The following SEMA4B variants were observed in gnomAD, a reference collection of about 807,000 sequenced individuals.
SEMA4B encodes the protein semaphorin-4B.
A neutral mutation model predicts 88.1 loss-of-function variants in SEMA4B; 55 were observed. The observed-to-expected ratio is 0.62, with a 90% CI of 0.50 to 0.78. SEMA4B has a LOEUF of 0.78. SEMA4B is among the 30% of genes least tolerant of loss of function. The probability of loss-of-function intolerance (pLI) is 0.00; values close to 1 mark genes in which losing one functional copy is unlikely to be tolerated. For synonymous variants in SEMA4B, 525 were observed against 473.6 expected (o/e 1.11, Z -1.41); for missense variants, 1,062 against 1,111.9 (o/e 0.96, Z 0.64).
At chr15:90,222,971 T>TATATATA (rs3029968) in intron 7 of SEMA4B, among the ~76,000 whole-genome samples, 2 of 123,636 alleles carry the variant, frequency 1.6e-5, no homozygotes, top group African/African-American at 3.6e-5. Flanking sequence ...TATATATACA[T>TATATATA]TTTTTTTTTT....
At chr15:90,206,318 C>T (rs992962822) in intron 1 of SEMA4B, among the ~76,000 whole-genome samples, 4 of 152,194 alleles carry the variant, frequency 2.6e-5, no homozygotes, top group Non-Finnish European at 4.4e-5. Flanking sequence ...CGAGGCCTGC[C>T]TTCCCTCAGA....
Position 90,228,480 on chromosome 15 carries a change from A to G in SEMA4B, c.2351A>G (p.His784Arg), listed in dbSNP as rs1962317303. 2 of 1,609,956 alleles carry G rather than the reference A, an allele frequency of 1.2e-6. No homozygotes were observed. The highest frequency in any genetic ancestry group is 4.5e-5 in the East Asian group (2 of 44,742). ...GLGPPSTPLDHRGYQSLSDSP... is the reference protein window; with the variant it reads ...GLGPPSTPLDRRGYQSLSDSP... ...GGGCCCCCTAGCACCCCGCTCGATC[A>G]CCGAGGGTACCAGTCCCTGTCAGAC... Residue 784 changes from histidine to arginine, a missense_variant, in exon 14 of 14, where the codon CAC (histidine) becomes CGC (arginine). By Grantham distance (29) the His-to-Arg change is conservative. Coordinates refer to ENST00000411539, the MANE Select transcript of SEMA4B (RefSeq NM_198925.4).
At chr15:90,191,466 A>G (rs1191834929) in intron 1 of SEMA4B, among the ~76,000 whole-genome samples, 2 of 152,202 alleles carry the variant, frequency 1.3e-5, no homozygotes, top group African/African-American at 4.8e-5. Flanking sequence ...CTGAGCATTC[A>G]CTACATGCCA....
intron 4 of SEMA4B, 109 bp from the exon 5 acceptor site, chr15:90,220,873 C>T (rs1961792806): frequency 1.4e-6 from 1 of 708,148 alleles, no homozygotes; most frequent in Admixed American, 2.1e-5. Context: ...GTCCCACACA[C>T]CTCACCTGCC....
At chr15:90,196,532 G>A (rs147538096), upstream of SEMA4B, among the ~76,000 whole-genome samples, 785 of 152,222 alleles carry the variant, frequency 5.2e-3, 13 homozygotes, top group African/African-American at 0.018. Context: ...TGTCGGTCAG[G>A]CTGGAGTGCA....
chr15:90,221,887 G>T, intron 7 of SEMA4B, 122 bp downstream of exon 7: 1 of 814,874 alleles, frequency 1.2e-6, no homozygotes, highest in South Asian at 2.1e-5. Context: ...TTGGCTAACA[G>T]CTTTTCTCTC....
In SEMA4B at chr15:90,225,847, C is replaced by G. The variant is rs1169764991; in HGVS notation, c.1688+20C>G. Reference sequence around the variant, plus strand: ...CACCAGGTGAGCACTCCCAAAGGCCCCTTCCCATCTGTCCAGCCCTGCACA... The same window carrying G: ...CACCAGGTGAGCACTCCCAAAGGCCGCTTCCCATCTGTCCAGCCCTGCACA... On this transcript the variant is annotated intron_variant, in intron 12 of 13. Transcript: ENST00000411539. 1 of 1,496,992 alleles carries G rather than the reference C, an allele frequency of 6.7e-7. No individual in the cohort carries two copies. The highest frequency in any genetic ancestry group is 1.3e-5 in the South Asian group (1 of 75,338). The allele number at this position is 1,496,992 out of a possible 1,614,324, so 92.7% of individuals were successfully genotyped here. A position where few individuals can be genotyped will look rare whatever the true frequency, so the allele number is the denominator to read the frequency against.
At position 90,225,146 on chromosome 15, in the gene SEMA4B, A is replaced by G. The variant is rs1231688612; in HGVS notation, c.1373A>G (p.His458Arg). The G allele has an allele frequency of 6.2e-7, 1 of 1,611,606 alleles. No individual in the cohort carries two copies. Among genetic ancestry groups the G allele is most frequent in the Non-Finnish European group, 8.5e-7 (1 of 1,178,960 alleles). ...GCTGTACACCGCGTCCCTGGCCTGC[A>G]CCACACCTACGATGTCCTCTTCCTG... ...RVAVHRVPGLHHTYDVLFLGT... is the reference protein window; with the variant it reads ...RVAVHRVPGLRHTYDVLFLGT... The change falls in exon 10 of 14, where the codon CAC becomes CGC. Residue 458 changes from histidine to arginine, a missense_variant. By Grantham distance (29) the His-to-Arg change is conservative. Transcript: ENST00000411539.
rs200788766 is a variant in SEMA4B, at chr15:90,220,362, C to CTTTTTTTTTTTTTTTTTTTTT, written c.483+475_483+476insTTTTTTTTTTTTTTTTTTTTT. The CTTTTTTTTTTTTTTTTTTTTT allele has an allele frequency of 3.1e-5, 4 of 129,230 alleles. 1 individual carries two copies. The highest frequency in any genetic ancestry group is 4.7e-5 in the Non-Finnish European group (3 of 63,434). The allele number at this position is 129,230 out of a possible 1,614,324, so 8.0% of individuals were successfully genotyped here. A position where few individuals can be genotyped will look rare whatever the true frequency, so the allele number is the denominator to read the frequency against. ...ATCATTTTATTTCTTTTTTCTTTTT[C>CTTTTTTTTTTTTTTTTTTTTT]TTTTCTTTTTTTTTTTTTTTTTTGA... On this transcript the variant is annotated intron_variant, in intron 4 of 13. Transcript: ENST00000411539.
rs202227363 is a variant in SEMA4B, at chr15:90,228,294, G to A, written c.2165G>A (p.Cys722Tyr). Residue 722 changes from cysteine (C) to tyrosine (Y), a missense_variant, in exon 14 of 14, where the codon TGC becomes TAC. Physicochemically the swap from Cys to Tyr is radical, Grantham distance 194. Coordinates refer to ENST00000411539, the MANE Select transcript of SEMA4B (RefSeq NM_198925.4). The part of the protein sequence containing the change: ...RSYWKEFLVM[C>Y]TLFVLAVLLP... ...TACTGGAAGGAGTTCCTGGTGATGT[G>A]CACGCTCTTTGTGCTGGCCGTGCTG... 6.3e-7 allele frequency: 1 copy of A among 1,591,216 alleles called. No individual in the cohort carries two copies. The highest frequency in any genetic ancestry group is 8.6e-7 in the Non-Finnish European group (1 of 1,167,670).
At chr15:90,194,495 G>T (rs1307071286) in intron 1 of SEMA4B, among the ~76,000 whole-genome samples, 1 of 151,916 alleles carries the variant, frequency 6.6e-6, no homozygotes, top group African/African-American at 2.4e-5. Context: ...TCATGCCATT[G>T]CACTCCAGCC....
chr15:90,199,898 G>C (rs919611542), upstream of SEMA4B, among the ~76,000 whole-genome samples: 1 of 152,042 alleles, frequency 6.6e-6, no homozygotes, highest in African/African-American at 2.4e-5. Context: ...ATAGGGGTTT[G>C]GGTATCACTG....
chr15:90,188,644 T>A (rs1960249687), intron 1 of SEMA4B, among the ~76,000 whole-genome samples: 1 of 151,484 alleles, frequency 6.6e-6, no homozygotes, highest in Admixed American at 6.6e-5. Flanking sequence ...AATAAATAAA[T>A]AAAAATAAAT....
At position 90,201,611 on chromosome 15, in the gene SEMA4B, G is replaced by A. The variant is rs867832576; in HGVS notation, c.33G>A (p.Trp11Ter). 6.6e-7 allele frequency: 1 copy of A among 1,518,124 alleles called. No individual in the cohort carries two copies. Among genetic ancestry groups the A allele is most frequent in the Admixed American group, 2.0e-5 (1 of 50,382 alleles). The allele number at this position is 1,518,124 out of a possible 1,614,324, so 94.0% of individuals were successfully genotyped here. MLRTAMGLRS[W>*]LAAPWGALPP... is the part of the protein sequence containing the mutation. ...GCACCGCGATGGGCCTGAGGAGCTG[G>A]CTCGCCGCCCCATGGGGCGCGCTGC... is the stretch of plus-strand genomic sequence containing the variant. The change falls in exon 1 of 14, where the codon TGG becomes TGA. Residue 11 changes from tryptophan to a stop codon, truncating the protein, a stop_gained. Coordinates refer to ENST00000411539, the MANE Select transcript of SEMA4B (RefSeq NM_198925.4). LOFTEE classifies it high-confidence loss of function.
intron 1 of SEMA4B, among the ~76,000 whole-genome samples, chr15:90,187,475 A>G (rs1960199246): frequency 6.6e-6 from 1 of 152,200 alleles, no homozygotes; most frequent in South Asian, 2.1e-4. Context: ...CCTGCATTCA[A>G]GGAGCTTGTA....
At chr15:90,222,217 G>C (rs1961890865) in intron 7 of SEMA4B, among the ~76,000 whole-genome samples, 1 of 148,626 alleles carries the variant, frequency 6.7e-6, no homozygotes, top group Admixed American at 6.7e-5. Flanking sequence ...TGGGATTACA[G>C]GCATGAGCCA....
chr15:90,185,968 C>G (rs765073052), intron 1 of SEMA4B, among the ~76,000 whole-genome samples: 17 of 109,798 alleles, frequency 1.5e-4, no homozygotes, highest in East Asian at 9.3e-4. Flanking sequence ...GAGTCTTGCT[C>G]TATCCTCCAG....
At chr15:90,215,936 C>T (rs778496695) in intron 1 of SEMA4B, among the ~76,000 whole-genome samples, 1 of 151,988 alleles carries the variant, frequency 6.6e-6, no homozygotes, top group Non-Finnish European at 1.5e-5. Context: ...TTAAAAGGGA[C>T]TTTTAATCAT....
intron 1 of SEMA4B, among the ~76,000 whole-genome samples, 152 bp downstream of exon 1, chr15:90,201,887 C>T (rs996683615): frequency 2.0e-5 from 3 of 152,184 alleles, no homozygotes. Context: ...AGGCGCTGCG[C>T]GGAGGGAGGG....
Sources: gnomAD v4.1 joint callset for allele counts (sites outside exome capture counted in the v4.1 genomes callset) on GRCh38, gnomAD v4.1.1 for gene constraint, MANE v1.5 for transcripts, NCBI Gene and HGNC (gene_info 2026-07-23, HGNC 2026-07-21) for gene names.